The following ARHGEF11 variants were observed in gnomAD, a reference collection of about 807,000 sequenced individuals.
The protein encoded by ARHGEF11 is Rho guanine nucleotide exchange factor 11.
Under a neutral mutation model 193.7 loss-of-function variants are expected in ARHGEF11, and 55 were observed. The ratio of observed to expected loss-of-function variants is 0.28; its 90% CI spans 0.23 to 0.36. The LOEUF (loss-of-function observed/expected upper bound fraction) is 0.36, where lower values mean the gene tolerates loss of function less well. Ranked by LOEUF, ARHGEF11 falls within the 10% of genes least tolerant of loss-of-function variation. The pLI is 1.00. For missense variants in ARHGEF11, 1,723 were observed against 2,005.6 expected, an observed-to-expected ratio of 0.86 and a Z score of 2.69; for synonymous variants, 693 against 768.0, an observed-to-expected ratio of 0.90 and a Z score of 1.62.
In ARHGEF11 at chr1:156,988,441, T is replaced by G. The variant is rs1327361033; in HGVS notation, c.33-2268A>C. ...AGGGCTATCCACGCTGGGCTTGAAC[T>G]CCTCCTCCTTCCTACCTAAAGAGAA... is the stretch of plus-strand genomic sequence containing the variant. On this transcript the variant is annotated intron_variant, in intron 1 of 40. Coordinates refer to ENST00000368194, the MANE Select transcript of ARHGEF11 (RefSeq NM_198236.3). Among the ~76,000 whole-genome samples the G allele has an allele frequency of 3.9e-5, 6 of 152,300 alleles. No individual in the cohort carries two copies. The East Asian group carries it at 1.2e-3, about 29-fold the overall frequency.
intron 34 of ARHGEF11, 23 bp downstream of exon 34, chr1:156,941,841 G>A (rs1557824308): frequency 3.1e-6 from 5 of 1,593,210 alleles, no homozygotes; most frequent in Non-Finnish European, 3.4e-6. Flanking sequence ...AGAGTGCAGG[G>A]TCTGGAGGGC....
intron 28 of ARHGEF11, among the ~76,000 whole-genome samples, chr1:156,946,378 G>A (rs1658121740): frequency 6.6e-6 from 1 of 152,168 alleles, no homozygotes; most frequent in Non-Finnish European, 1.5e-5. Context: ...AAAACAGAAG[G>A]GCAGGCATAT....
chr1:157,033,574 T>C (rs1371998066), intron 1 of ARHGEF11, among the ~76,000 whole-genome samples: 1 of 152,188 alleles, frequency 6.6e-6, no homozygotes, highest in Non-Finnish European at 1.5e-5. Context: ...ATTTAAAATC[T>C]CACAATGATC....
intron 1 of ARHGEF11, among the ~76,000 whole-genome samples, chr1:157,040,208 G>A (rs774263028): frequency 6.6e-6 from 1 of 152,142 alleles, no homozygotes; most frequent in African/African-American, 2.4e-5. Context: ...GGGAACAAGG[G>A]TACATTTTGG....
chr1:156,969,049 TATATAAC>T lies in ARHGEF11; in HGVS notation c.825+226_825+232del, dbSNP rs1264387714. Among the ~76,000 whole-genome samples, 9 of 152,342 alleles carry T rather than the reference TATATAAC, an allele frequency of 5.9e-5. No individual in the cohort carries two copies. In the East Asian group the frequency reaches 1.5e-3, roughly 26 times the overall value. ...TGGCCGCCCTCTCCACCCTACTCTT[TATATAAC>T]AGAGTTGACAATGATAAAATGAAAG... On this transcript the variant is annotated intron_variant, in intron 10 of 40. Coordinates refer to ENST00000368194, the MANE Select transcript of ARHGEF11 (RefSeq NM_198236.3).
chr1:156,970,491 G>A (rs1662351537), intron 8 of ARHGEF11, among the ~76,000 whole-genome samples: 1 of 152,212 alleles, frequency 6.6e-6, no homozygotes, highest in African/African-American at 2.4e-5. Flanking sequence ...ATAGTGCTTT[G>A]CTGTTTACAA....
chr1:156,960,321 GA>G, intron 15 of ARHGEF11, 96 bp downstream of exon 15: 1 of 1,230,166 alleles, frequency 8.1e-7, no homozygotes, highest in Non-Finnish European at 1.2e-6. Context: ...GTTGCCCAAG[GA>G]CAGGGACTAT....
At chr1:156,988,357 C>T (rs1665233400) in intron 1 of ARHGEF11, among the ~76,000 whole-genome samples, 2 of 152,168 alleles carry the variant, frequency 1.3e-5, no homozygotes, top group South Asian at 4.1e-4. Flanking sequence ...GCTTCTGTCT[C>T]TGCCTATACT....
intron 33 of ARHGEF11, 32 bp from the exon 34 acceptor site, chr1:156,942,021 G>A: frequency 6.2e-7 from 1 of 1,613,868 alleles, no homozygotes; most frequent in Non-Finnish European, 8.5e-7. Flanking sequence ...GAGGACTGTA[G>A]TGAGAGCAAG....
At chr1:156,952,569 G>C (rs1233317735) in intron 21 of ARHGEF11, among the ~76,000 whole-genome samples, 3 of 152,192 alleles carry the variant, frequency 2.0e-5, no homozygotes, top group Non-Finnish European at 4.4e-5. Context: ...CAACAGCCCA[G>C]GGTCTGGGCC....
At chr1:156,939,461 G>T in intron 37 of ARHGEF11, 87 bp downstream of exon 37, 1 of 1,577,186 alleles carries the variant, frequency 6.3e-7, no homozygotes, top group Non-Finnish European at 8.6e-7. Flanking sequence ...CCCAGGGGGA[G>T]TATAGGGAAG....
chr1:156,975,535 CAT>C (rs953458526), intron 7 of ARHGEF11, among the ~76,000 whole-genome samples: 5 of 152,170 alleles, frequency 3.3e-5, no homozygotes, highest in Non-Finnish European at 7.4e-5. Flanking sequence ...AATCCTTTGA[CAT>C]ATACAAGCTT....
intron 1 of ARHGEF11, among the ~76,000 whole-genome samples, chr1:157,009,342 C>CTT (rs1668273813): frequency 6.6e-6 from 1 of 152,166 alleles, no homozygotes; most frequent in African/African-American, 2.4e-5. Flanking sequence ...CAGAGAAATG[C>CTT]TTTGACATTT....
chr1:156,958,682 A>G (rs1571243302), intron 17 of ARHGEF11, 60 bp downstream of exon 17: 1 of 1,607,928 alleles, frequency 6.2e-7, no homozygotes, highest in East Asian at 2.2e-5. Context: ...GAACAGACCC[A>G]CAAAATATGT....
Position 156,954,753 on chromosome 1 carries a change from G to C in ARHGEF11, c.1798+139C>G, listed in dbSNP as rs573220206. Reference sequence around the variant, plus strand: ...TTTAGCAACAATGAGCAACGCATAAGAGAAATGGAGAGAAGAAAGAAAGGG... The same window carrying C: ...TTTAGCAACAATGAGCAACGCATAACAGAAATGGAGAGAAGAAAGAAAGGG... On this transcript the variant is annotated intron_variant, in intron 21 of 40. Coordinates refer to ENST00000368194, the MANE Select transcript of ARHGEF11 (RefSeq NM_198236.3). 4 of 790,558 alleles carry C rather than the reference G, an allele frequency of 5.1e-6. No homozygotes were observed. In the East Asian group the frequency reaches 1.0e-4, roughly 20 times the overall value. 49.0% of individuals were successfully genotyped at this position (790,558 alleles called of 1,614,324 possible). A position where few individuals can be genotyped will look rare whatever the true frequency, so the allele number is the denominator to read the frequency against.
intron 1 of ARHGEF11, among the ~76,000 whole-genome samples, chr1:156,995,946 A>G (rs1270615759): frequency 6.6e-6 from 1 of 152,190 alleles, no homozygotes; most frequent in South Asian, 2.1e-4. Flanking sequence ...CATAGTAGAT[A>G]TTCAATAAAT....
chr1:157,033,518 TG>T (rs1254726982), intron 1 of ARHGEF11, among the ~76,000 whole-genome samples: 1 of 152,188 alleles, frequency 6.6e-6, no homozygotes, highest in African/African-American at 2.4e-5. Context: ...ACTGTAGCCA[TG>T]GTGATCTTGC....
intron 1 of ARHGEF11, among the ~76,000 whole-genome samples, chr1:157,002,310 A>G (rs1004840093): frequency 6.6e-6 from 1 of 152,206 alleles, no homozygotes; most frequent in Admixed American, 6.5e-5. Flanking sequence ...CGACTGAGCA[A>G]TCAGTTTGGA....
intron 1 of ARHGEF11, among the ~76,000 whole-genome samples, chr1:157,036,023 A>T (rs1671949275): frequency 7.8e-6 from 1 of 128,044 alleles, no homozygotes; most frequent in African/African-American, 2.9e-5. Context: ...ATATGAATCT[A>T]TATATAGGAA....
Sources: gnomAD v4.1 joint callset for allele counts (sites outside exome capture counted in the v4.1 genomes callset) on GRCh38, gnomAD v4.1.1 for gene constraint, MANE v1.5 for transcripts, NCBI Gene and HGNC (gene_info 2026-07-23, HGNC 2026-07-21) for gene names.